The following GAB2 variants were observed in gnomAD, a reference collection of about 807,000 sequenced individuals.
The protein encoded by GAB2 is GRB2 associated binding protein 2.
In GAB2, 26 loss-of-function variants were observed where a neutral mutation model predicts 65.5. The ratio of observed to expected loss-of-function variants is 0.40; its 90% CI spans 0.29 to 0.55. The LOEUF (loss-of-function observed/expected upper bound fraction) is 0.55, where lower values mean the gene tolerates loss of function less well. GAB2 is among the 20% of genes least tolerant of loss of function. The pLI is 0.53. For synonymous variants in GAB2, 321 were observed against 329.6 expected (o/e 0.97, Z 0.28); for missense variants, 884 against 875.8 (o/e 1.01, Z -0.12).
At chr11:78,337,485 G>T (rs183678584) in intron 1 of GAB2, among the ~76,000 whole-genome samples, 1 of 152,088 alleles carries the variant, frequency 6.6e-6, no homozygotes, top group Non-Finnish European at 1.5e-5. Flanking sequence ...ATAAAAGAAT[G>T]GAATGATATG....
At chr11:78,289,566 A>G (rs986464994) in intron 1 of GAB2, among the ~76,000 whole-genome samples, 1 of 152,206 alleles carries the variant, frequency 6.6e-6, no homozygotes. Flanking sequence ...GTAACTTACA[A>G]TATTTACAAA....
chr11:78,289,815 T>TC, intron 1 of GAB2, among the ~76,000 whole-genome samples: 1 of 7,598 alleles, frequency 1.3e-4, no homozygotes, highest in Non-Finnish European at 4.8e-4. Context: ...GAACAGGACC[T>TC]TTTTTTTTTT....
intron 2 of GAB2, among the ~76,000 whole-genome samples, chr11:78,263,706 G>C (rs1198234778): frequency 2.0e-5 from 3 of 150,960 alleles, no homozygotes; most frequent in Non-Finnish European, 2.9e-5. Context: ...TCACCAGCTT[G>C]TTCTTTCTGA....
chr11:78,286,783 T>C (rs779960181), intron 1 of GAB2, among the ~76,000 whole-genome samples: 73 of 152,188 alleles, frequency 4.8e-4, no homozygotes, highest in Non-Finnish European at 9.0e-4. Context: ...AGTATCCATG[T>C]AATAAATATT....
At chr11:78,231,317 T>C (rs1864840786) in intron 3 of GAB2, among the ~76,000 whole-genome samples, 1 of 143,716 alleles carries the variant, frequency 7.0e-6, no homozygotes, top group Admixed American at 6.7e-5. Flanking sequence ...TCTCCCTTGG[T>C]GCGCGCGCGC....
intron 1 of GAB2, among the ~76,000 whole-genome samples, chr11:78,391,153 G>A (rs1206991881): frequency 3.3e-5 from 5 of 152,154 alleles, no homozygotes; most frequent in Non-Finnish European, 5.9e-5. Flanking sequence ...AAATTAGCTG[G>A]ATGTGGTGCC....
chr11:78,220,653 A>G (rs116143238), intron 8 of GAB2, among the ~76,000 whole-genome samples: 1,726 of 152,280 alleles, frequency 0.011, 29 homozygotes, highest in African/African-American at 0.032. Context: ...TAAAGCAAAG[A>G]TGAAACTGTG....
rs1865417381 is a variant in GAB2, at chr11:78,250,344, G to C, written c.433C>G (p.Leu145Val). 2.5e-6 allele frequency: 4 copies of C among 1,613,518 alleles called. No homozygotes were observed. The highest frequency in any genetic ancestry group is 3.4e-6 in the Non-Finnish European group (4 of 1,179,678). The change falls in exon 3 of 10, where the codon CTC becomes GTC. Residue 145 changes from leucine (L) to valine (V), a missense_variant. Leu to Val is a conservative substitution (Grantham distance 32, BLOSUM62 1). Transcript: ENST00000361507. ...GHGPRSSPAE[L>V]SSSSQHLLRE... ...AGAAGGTGCTGGCTAGAGCTGCTGA[G>C]CTCAGCTGGAGAAGAGCGGGGGCCA... is the stretch of plus-strand genomic sequence containing the variant.
At position 78,221,689 on chromosome 11, in the gene GAB2, G is replaced by A; in HGVS notation, c.1749C>T (p.Asn583=). The A allele has an allele frequency of 6.2e-7, 1 of 1,610,840 alleles. No individual in the cohort carries two copies. Among genetic ancestry groups the A allele is most frequent in the Non-Finnish European group, 8.5e-7 (1 of 1,177,110 alleles). Residue 583 remains asparagine (N), a synonymous_variant, in exon 8 of 10, where the codon AAC becomes AAT. Transcript: ENST00000361507. ...TSTDSGDSEE[N]YVPMQNPVSA... The stretch of plus-strand genomic sequence containing the variant: ...CCGAAGGACTCACCATAGGGACATA[G>A]TTCTCTTCGCTGTCTCCTGAGTCTG...
intron 1 of GAB2, among the ~76,000 whole-genome samples, chr11:78,365,904 C>T (rs771629937): frequency 3.3e-5 from 5 of 152,188 alleles, no homozygotes; most frequent in Non-Finnish European, 7.3e-5. Context: ...ATCAGAATTT[C>T]GTGAATATTC....
intron 1 of GAB2, among the ~76,000 whole-genome samples, chr11:78,390,793 A>G (rs1856824897): frequency 6.6e-6 from 1 of 152,228 alleles, no homozygotes; most frequent in Non-Finnish European, 1.5e-5. Context: ...ACAGATACCA[A>G]TGTAGATATC....
intron 3 of GAB2, among the ~76,000 whole-genome samples, chr11:78,241,611 GAA>G (rs561166459): frequency 7.2e-6 from 1 of 139,832 alleles, no homozygotes; most frequent in African/African-American, 2.6e-5. Context: ...AAAAGAGAAA[GAA>G]AAAAAAAAAC....
intron 1 of GAB2, among the ~76,000 whole-genome samples, chr11:78,369,709 T>C (rs190933269): frequency 6.6e-6 from 1 of 152,330 alleles, no homozygotes; most frequent in East Asian, 1.9e-4. Flanking sequence ...TTTCAGCACA[T>C]TTTTTAAGTA....
At chr11:78,343,933 G>A (rs1399014757) in intron 1 of GAB2, among the ~76,000 whole-genome samples, 1 of 151,982 alleles carries the variant, frequency 6.6e-6, no homozygotes, top group Non-Finnish European at 1.5e-5. Flanking sequence ...AACAGACCAG[G>A]TAGCCAGAAG....
chr11:78,404,147 T>C (rs1219249729), intron 1 of GAB2, among the ~76,000 whole-genome samples: 2 of 152,244 alleles, frequency 1.3e-5, no homozygotes, highest in African/African-American at 2.4e-5. Flanking sequence ...TGAAGAGATA[T>C]CTGCACTCCC....
intron 1 of GAB2, among the ~76,000 whole-genome samples, chr11:78,367,685 T>C (rs992371666): frequency 2.6e-5 from 4 of 152,192 alleles, no homozygotes; most frequent in African/African-American, 7.2e-5. Flanking sequence ...TCACTTCATA[T>C]AGTGTTATAA....
intron 5 of GAB2, among the ~76,000 whole-genome samples, chr11:78,224,087 AT>A (rs1864549838): frequency 6.6e-6 from 1 of 152,212 alleles, no homozygotes; most frequent in Non-Finnish European, 1.5e-5. Context: ...GTTTCAAAAA[AT>A]AAAAAATAAA....
At chr11:78,269,495 C>T (rs535975949) in intron 2 of GAB2, among the ~76,000 whole-genome samples, 2 of 152,256 alleles carry the variant, frequency 1.3e-5, no homozygotes, top group East Asian at 3.9e-4. Flanking sequence ...ACAGTTCTCC[C>T]TGCTGTAAGA....
intron 1 of GAB2, among the ~76,000 whole-genome samples, chr11:78,338,927 A>C (rs1400526319): frequency 6.6e-6 from 1 of 150,986 alleles, no homozygotes; most frequent in African/African-American, 2.4e-5. Flanking sequence ...GTACACCCCC[A>C]CATTTTTTTT....
Sources: allele counts gnomAD v4.1 joint callset (sites outside exome capture counted in the v4.1 genomes callset), GRCh38; gene constraint gnomAD v4.1.1; transcripts MANE v1.5; gene names NCBI Gene and HGNC (gene_info 2026-07-23, HGNC 2026-07-21).